TBCE: variants seen among roughly 807,000 people sequenced by gnomAD.
The protein encoded by TBCE is tubulin folding cofactor E, also known as tubulin-specific chaperone E.
In TBCE, 53 loss-of-function variants were observed where a neutral mutation model predicts 77.0. The observed-to-expected ratio is 0.69, with a 90% CI of 0.55 to 0.87. TBCE has a LOEUF of 0.87. Among genes scored for constraint, TBCE ranks in the 40% least tolerant of loss-of-function variants. The probability of loss-of-function intolerance (pLI) is 0.00; values close to 1 mark genes in which losing one functional copy is unlikely to be tolerated. For synonymous variants in TBCE, 235 were observed against 241.3 expected (o/e 0.97, Z 0.24); for missense variants, 624 against 622.4 (o/e 1.00, Z -0.03).
intron 15 of TBCE, 40 bp downstream of exon 15, chr1:235,442,951 C>T: frequency 1.2e-6 from 2 of 1,605,182 alleles, no homozygotes; most frequent in Non-Finnish European, 1.7e-6. Flanking sequence ...AACTCTGAAT[C>T]ATCGGCCTAG....
chr1:235,430,614 A>C (rs1392700501), intron 6 of TBCE, 91 bp from the exon 7 acceptor site: 1 of 862,912 alleles, frequency 1.2e-6, no homozygotes, highest in Admixed American at 2.4e-5. Flanking sequence ...CAAACCCCTT[A>C]GATTAAAACC....
intron 15 of TBCE, among the ~76,000 whole-genome samples, chr1:235,448,054 CAA>C (rs756329713): frequency 2.0e-5 from 3 of 151,946 alleles, no homozygotes; most frequent in African/African-American, 7.3e-5. Flanking sequence ...ACTAAAAATA[CAA>C]AAGTTAGCTG....
intron 2 of TBCE, among the ~76,000 whole-genome samples, chr1:235,381,712 A>G (rs1035562319): frequency 2.2e-5 from 3 of 138,236 alleles, no homozygotes; most frequent in African/African-American, 8.1e-5. Context: ...AAAAAAAAAA[A>G]GACTGATTTG....
In TBCE at chr1:235,447,407, C is replaced by T. The variant is rs565397074; in HGVS notation, c.1400-942C>T. On this transcript the variant is annotated intron_variant, in intron 15 of 16. Transcript: ENST00000642610. ...TATAATCAAAATATCCACTATTTAC[C>T]ACAACCCGTCTTTGGAAAGAAGTTC... Among the ~76,000 whole-genome samples, 4 of 152,282 alleles carry T rather than the reference C, an allele frequency of 2.6e-5. No homozygotes were observed. The East Asian group carries it at 7.7e-4, about 29-fold the overall frequency.
At chr1:235,368,398 C>A (rs889106622) in intron 1 of TBCE, among the ~76,000 whole-genome samples, 3 of 151,432 alleles carry the variant, frequency 2.0e-5, no homozygotes, top group Non-Finnish European at 4.4e-5. Context: ...TTTCTTTTCT[C>A]TGGCATTAAT....
intron 5 of TBCE, among the ~76,000 whole-genome samples, chr1:235,422,971 C>T (rs959930676): frequency 2.6e-5 from 4 of 152,238 alleles, no homozygotes; most frequent in East Asian, 1.9e-4. Flanking sequence ...CCCCAGGACA[C>T]GAAGAAATGA....
rs530591560 is a variant in TBCE, at chr1:235,374,012, T to C, written c.-31-6007T>C. 1.2e-4 allele frequency among the ~76,000 whole-genome samples: 17 copies of C among 145,934 alleles called. 3 individuals carry two copies. The highest frequency in any genetic ancestry group is 4.2e-4 in the African/African-American group (16 of 37,808). On this transcript the variant is annotated intron_variant, in intron 1 of 16. Transcript: ENST00000642610. ...TTTTTTGAGACTGAGTCTTTCTTTG[T>C]TGCCCAGGCTGGAATGCAATGGCAT...
chr1:235,443,451 C>T (rs1230339352), intron 15 of TBCE, among the ~76,000 whole-genome samples: 1 of 152,174 alleles, frequency 6.6e-6, no homozygotes, highest in Non-Finnish European at 1.5e-5. Context: ...CATCCTCCTG[C>T]CTCAGCCTCC....
intron 6 of TBCE, chr1:235,430,441 C>G (rs1681021129): frequency 2.8e-6 from 1 of 351,342 alleles, no homozygotes; most frequent in South Asian, 2.6e-5. Flanking sequence ...TTTAGGAAGC[C>G]TACAGCCGCA....
chr1:235,434,851 A>C (rs1022194103), intron 8 of TBCE, among the ~76,000 whole-genome samples: 1 of 152,016 alleles, frequency 6.6e-6, no homozygotes, highest in Non-Finnish European at 1.5e-5. Flanking sequence ...AGGATATGCT[A>C]TAAGGATTAA....
chr1:235,374,165 A>G (rs147462175), intron 1 of TBCE, among the ~76,000 whole-genome samples: 3,336 of 144,170 alleles, frequency 0.023, 589 homozygotes, highest in African/African-American at 0.086. Flanking sequence ...CATGTTGGCC[A>G]GGCTGGCCTC....
Position 235,450,124 on chromosome 1 carries a change from C to A in TBCE, c.*1362C>A. On this transcript the variant is annotated 3_prime_UTR_variant, in exon 17 of 17. Transcript: ENST00000642610. ...TCTTGAAAGACCATACAGTCTACTG[C>A]TAAACCCTGGGACTCCTCAGACTTG... 1 of 1,538,162 alleles carries A rather than the reference C, an allele frequency of 6.5e-7. No individual in the cohort carries two copies. Among genetic ancestry groups the A allele is most frequent in the Non-Finnish European group, 8.9e-7 (1 of 1,117,546 alleles).
chr1:235,374,689 C>T lies in TBCE; in HGVS notation c.-31-5330C>T, dbSNP rs1258841237. Among the ~76,000 whole-genome samples, 9 of 140,286 alleles carry T rather than the reference C, an allele frequency of 6.4e-5. 2 individuals carry two copies. Among genetic ancestry groups the T allele is most frequent in the Admixed American group, 3.5e-4 (5 of 14,214 alleles). The allele number at this position is 140,286 out of a possible 152,430, so 92.0% of individuals were successfully genotyped here. ...CTAATTTTTGTATTTTTAGTAGAGA[C>T]GGGGTTTCACCATGTTGGCCAGGCT... On this transcript the variant is annotated intron_variant, in intron 1 of 16. Coordinates refer to ENST00000642610, the MANE Select transcript of TBCE (RefSeq NM_003193.5).
chr1:235,440,437 G>A (rs1418434084), intron 13 of TBCE, among the ~76,000 whole-genome samples: 2 of 151,936 alleles, frequency 1.3e-5, no homozygotes, highest in African/African-American at 2.4e-5. Flanking sequence ...TTGTTGCCCA[G>A]ACTGGAGTCC....
chr1:235,408,968 C>G (rs1679619406), intron 3 of TBCE, among the ~76,000 whole-genome samples: 1 of 151,238 alleles, frequency 6.6e-6, no homozygotes, highest in South Asian at 2.1e-4. Flanking sequence ...ACAAAAATAC[C>G]AAATGCATAG....
chr1:235,439,264 G>C (rs554141819), intron 13 of TBCE, among the ~76,000 whole-genome samples: 18 of 151,468 alleles, frequency 1.2e-4, no homozygotes, highest in African/African-American at 4.4e-4. Context: ...GGCTGAGGCG[G>C]GTGGATCACG....
At position 235,450,371 on chromosome 1, in the gene TBCE, A is replaced by AGT. The variant is rs1368427271; in HGVS notation, c.*1611_*1612dup. On this transcript the variant is annotated 3_prime_UTR_variant, in exon 17 of 17. Coordinates refer to ENST00000642610, the MANE Select transcript of TBCE (RefSeq NM_003193.5). ...GAGAAACAACCAAAGCCGATCTGAG[A>AGT]GTGGTGAAACTGTTTTAAGAGCATC... is the stretch of plus-strand genomic sequence containing the variant. 6.2e-7 allele frequency: 1 copy of AGT among 1,611,052 alleles called. No individual in the cohort carries two copies. The highest frequency in any genetic ancestry group is 1.1e-5 in the South Asian group (1 of 91,002).
intron 3 of TBCE, among the ~76,000 whole-genome samples, chr1:235,411,465 C>T (rs996181251): frequency 5.9e-5 from 9 of 152,182 alleles, no homozygotes; most frequent in Admixed American, 5.2e-4. Flanking sequence ...GTCCTCCTTT[C>T]TGTGGTTCGC....
intron 13 of TBCE, among the ~76,000 whole-genome samples, chr1:235,439,602 C>T (rs1260756395): frequency 9.7e-6 from 1 of 103,026 alleles, no homozygotes; most frequent in Non-Finnish European, 2.0e-5. Flanking sequence ...ATTCTCCTGC[C>T]TTAGCCTCCT....
Sources: allele counts gnomAD v4.1 joint callset (sites outside exome capture counted in the v4.1 genomes callset), GRCh38; gene constraint gnomAD v4.1.1; transcripts MANE v1.5; gene names NCBI Gene and HGNC (gene_info 2026-07-23, HGNC 2026-07-21).